The following BBC3 variants were observed in gnomAD, a reference collection of about 807,000 sequenced individuals.
The protein encoded by BBC3 is bcl-2-binding component 3.
In BBC3, 5 loss-of-function variants were observed where a neutral mutation model predicts 18.2. The observed-to-expected ratio is 0.27, with a 90% CI of 0.14 to 0.58. The LOEUF is 0.58. BBC3 is among the 20% of genes least tolerant of loss of function. The probability of loss-of-function intolerance (pLI) is 0.91; values close to 1 mark genes in which losing one functional copy is unlikely to be tolerated. For missense variants in BBC3, 224 were observed against 268.9 expected, an observed-to-expected ratio of 0.83 and a Z score of 1.17; for synonymous variants, 119 against 128.0, an observed-to-expected ratio of 0.93 and a Z score of 0.47.
At chr19:47,231,406 C>CT (rs1343567840), upstream of BBC3, among the ~76,000 whole-genome samples, 3 of 152,100 alleles carry the variant, frequency 2.0e-5, no homozygotes, top group African/African-American at 7.2e-5. This position sits in a 1 kb window ranked among gnomAD's most constrained non-coding sequence, Gnocchi z 4.0. Flanking sequence ...GGGGCAGGGC[C>CT]TAGCCCAAGG....
At position 47,230,722 on chromosome 19, in the gene BBC3, C is replaced by A; in HGVS notation, c.-16+207G>T. On this transcript the variant is annotated intron_variant, in intron 1 of 3. Transcript: ENST00000439096. This position sits in a 1 kb window ranked among gnomAD's most constrained non-coding sequence, Gnocchi z 6.7. The stretch of plus-strand genomic sequence containing the variant: ...ACAAACCCGCCAGACCGCCGAGGCA[C>A]CTGTGCGCCCAGACCGGCGCCCCAA... 1.0e-6 allele frequency: 1 copy of A among 985,152 alleles called. No homozygotes were observed. The highest frequency in any genetic ancestry group is 1.2e-6 in the Non-Finnish European group (1 of 829,780). The allele number at this position is 985,152 out of a possible 1,614,324, so 61.0% of individuals were successfully genotyped here. A position where few individuals can be genotyped will look rare whatever the true frequency, so the allele number is the denominator to read the frequency against.
intron 3 of BBC3, chr19:47,222,275 G>C (rs2123355685): frequency 5.1e-6 from 1 of 195,646 alleles, no homozygotes; most frequent in African/African-American, 2.3e-5. Flanking sequence ...GCAAGATGAG[G>C]AGAAAGGAGC....
chr19:47,226,305 G>A (rs913095626), intron 3 of BBC3, among the ~76,000 whole-genome samples: 1 of 151,748 alleles, frequency 6.6e-6, no homozygotes, highest in African/African-American at 2.4e-5. Flanking sequence ...CGGGCGCGCA[G>A]CTCCACTCCT....
rs1432933137 is a variant in BBC3 at position 47,221,432 on chromosome 19, C to CCG, written c.*369_*370insCG. On this transcript the variant is annotated 3_prime_UTR_variant, in exon 4 of 4. Transcript: ENST00000439096. ...AAGGAGCACCGAGAGGAGAGCCCCCCCCTCCCAGTGTCACCCCTGCAGCTG... is the reference window on the plus strand; with the variant it reads ...AAGGAGCACCGAGAGGAGAGCCCCCCCGCCTCCCAGTGTCACCCCTGCAGCTG... 9 of 255,416 alleles carry CCG rather than the reference C, an allele frequency of 3.5e-5. 1 individual carries two copies. In the East Asian group the frequency reaches 4.9e-4, roughly 14 times the overall value. 15.8% of individuals were successfully genotyped at this position (255,416 alleles called of 1,614,324 possible).
At position 47,226,672 on chromosome 19, in the gene BBC3, G is replaced by T; in HGVS notation, c.357C>A (p.Pro119=). 1 of 1,508,298 alleles carries T rather than the reference G, an allele frequency of 6.6e-7. No individual in the cohort carries two copies. Among genetic ancestry groups the T allele is most frequent in the East Asian group, 2.6e-5 (1 of 37,918 alleles). 93.4% of individuals were successfully genotyped at this position (1,508,298 alleles called of 1,614,324 possible). ...CGCGGACTCCCGGGGCCGCCTGGGT[G>T]GGACCGCCCGCCAGAGCCCCCGGGG... ...PSAPGALAGG[P]TQAAPGVRGE... is the part of the protein sequence containing the mutation. The change falls in exon 3 of 4, where the codon CCC becomes CCA. Residue 119 remains proline (P), a synonymous_variant. Coordinates refer to ENST00000439096, the MANE Select transcript of BBC3 (RefSeq NM_014417.5).
intron 3 of BBC3, among the ~76,000 whole-genome samples, chr19:47,225,678 CT>C (rs2058806771): frequency 6.6e-6 from 1 of 152,114 alleles, no homozygotes; most frequent in East Asian, 1.9e-4. Context: ...AATGGAAGCT[CT>C]TTTGCCCATA....
At chr19:47,229,471 AACAC>A (rs149086344) in intron 1 of BBC3, among the ~76,000 whole-genome samples, 5 of 148,922 alleles carry the variant, frequency 3.4e-5, no homozygotes, top group Non-Finnish European at 1.5e-5. Flanking sequence ...AACTGTCAGC[AACAC>A]ACACACACAC....
chr19:47,222,142 C>CA, intron 3 of BBC3: 1 of 486,876 alleles, frequency 2.1e-6, no homozygotes, highest in African/African-American at 2.0e-5. Flanking sequence ...GAGAGCTGGG[C>CA]ACCAAGCGAG....
At chr19:47,232,231 A>G (rs573833924), upstream of BBC3, among the ~76,000 whole-genome samples, 1 of 152,308 alleles carries the variant, frequency 6.6e-6, no homozygotes, top group African/African-American at 2.4e-5. Context: ...CATGCCTGTA[A>G]TCCCAGCTAC....
At position 47,231,141 on chromosome 19, in the gene BBC3, G is replaced by A. The variant is rs1362891590; in HGVS notation, c.-228C>T. On this transcript the variant is annotated 5_prime_UTR_variant, in exon 1 of 4. An upstream open reading frame in the 5' UTR gains an earlier in-frame stop. Coordinates refer to ENST00000439096, the MANE Select transcript of BBC3 (RefSeq NM_014417.5). The surrounding 1 kb of genome is among the most constrained non-coding windows in gnomAD (Gnocchi z 4.0). ...CCGCGTCGTGGCCGCTGCTGGGATC[G>A]CTGGTGCCGCCGCCGCCGCCGCCAG... is the stretch of plus-strand genomic sequence containing the variant. 1.0e-6 allele frequency: 1 copy of A among 984,552 alleles called. No homozygotes were observed. Among genetic ancestry groups the A allele is most frequent in the African/African-American group, 1.8e-5 (1 of 57,116 alleles). The allele number at this position is 984,552 out of a possible 1,614,324, so 61.0% of individuals were successfully genotyped here. A position where few individuals can be genotyped will look rare whatever the true frequency, so the allele number is the denominator to read the frequency against.
At chr19:47,227,311 G>GGCCCCC (rs2058841719) in intron 2 of BBC3, 2 of 89,236 alleles carry the variant, frequency 2.2e-5, no homozygotes, top group Non-Finnish European at 4.4e-5. Flanking sequence ...ATGCCTTCCT[G>GGCCCCC]CCCCCCCCCC....
Position 47,221,825 on chromosome 19 carries a change from C to A in BBC3, c.559G>T (p.Ala187Ser). 1 of 1,613,614 alleles carries A rather than the reference C, an allele frequency of 6.2e-7. No homozygotes were observed. The highest frequency in any genetic ancestry group is 8.5e-7 in the Non-Finnish European group (1 of 1,179,812). The change falls in exon 4 of 4, where the codon GCC (alanine) becomes TCC (serine). Residue 187 changes from alanine to serine, a missense_variant. Coordinates refer to ENST00000439096, the MANE Select transcript of BBC3 (RefSeq NM_014417.5). The part of the protein sequence containing the change: ...GLLPLPRGHR[A>S]PEMEPN ...ACCTAATTGGGCTCCATCTCGGGGG[C>A]TCTGTGGCCCCTGGGTAAGGGCAGG...
chr19:47,231,134 T>C lies in BBC3; in HGVS notation c.-221A>G. ...GGCGCGTCCGCGTCGTGGCCGCTGCTGGGATCGCTGGTGCCGCCGCCGCCG... is the reference window on the plus strand; with the variant it reads ...GGCGCGTCCGCGTCGTGGCCGCTGCCGGGATCGCTGGTGCCGCCGCCGCCG... On this transcript the variant is annotated 5_prime_UTR_variant, in exon 1 of 4. Transcript: ENST00000439096. The surrounding 1 kb of genome is among the most constrained non-coding windows in gnomAD (Gnocchi z 4.0). 1 of 984,414 alleles carries C rather than the reference T, an allele frequency of 1.0e-6. No individual in the cohort carries two copies. Among genetic ancestry groups the C allele is most frequent in the Non-Finnish European group, 1.2e-6 (1 of 829,116 alleles). 61.0% of individuals were successfully genotyped at this position (984,414 alleles called of 1,614,324 possible).
At position 47,226,752 on chromosome 19, in the gene BBC3, G is replaced by T; in HGVS notation, c.277C>A (p.Pro93Thr). The T allele has an allele frequency of 7.2e-7, 1 of 1,392,634 alleles. No individual in the cohort carries two copies. 86.3% of individuals were successfully genotyped at this position (1,392,634 alleles called of 1,614,324 possible). A position where few individuals can be genotyped will look rare whatever the true frequency, so the allele number is the denominator to read the frequency against. The change falls in exon 3 of 4, where the codon CCT (proline) becomes ACT (threonine). Residue 93 changes from proline (P) to threonine (T), a missense_variant and splice_region_variant. Transcript: ENST00000439096. ...SRPRGPRPDGPQPSLSLAEQH... is the reference protein window; with the variant it reads ...SRPRGPRPDGTQPSLSLAEQH... Reference sequence around the variant, plus strand: ...TCCGCCAGCGAGAGCGAGGGCTGAGGACCTTGGAGAGGCAGAGGGGCGCGG... The same window carrying T: ...TCCGCCAGCGAGAGCGAGGGCTGAGTACCTTGGAGAGGCAGAGGGGCGCGG...
chr19:47,232,087 C>A (rs1211156130), upstream of BBC3, among the ~76,000 whole-genome samples: 1 of 152,228 alleles, frequency 6.6e-6, no homozygotes, highest in African/African-American at 2.4e-5. Context: ...CACGGTGGCT[C>A]ATGCCTGTAA....
In BBC3 at chr19:47,228,103, T is replaced by TCC. The variant is rs1239730465; in HGVS notation, c.274+53_274+54dup. 8.3e-7 allele frequency: 1 copy of TCC among 1,202,626 alleles called. No homozygotes were observed. Among genetic ancestry groups the TCC allele is most frequent in the East Asian group, 3.2e-5 (1 of 31,000 alleles). 74.5% of individuals were successfully genotyped at this position (1,202,626 alleles called of 1,614,324 possible). On this transcript the variant is annotated intron_variant, in intron 2 of 3. Coordinates refer to ENST00000439096, the MANE Select transcript of BBC3 (RefSeq NM_014417.5). The surrounding 1 kb of genome is among the most constrained non-coding windows in gnomAD (Gnocchi z 5.5). The stretch of plus-strand genomic sequence containing the variant: ...CCCACTTCTCCAGTTCCTCCGAGTC[T>TCC]CCAGCCCTCTCTCTTCCCGGCTCCT...
At chr19:47,229,293 AACAG>A (rs1224277190) in intron 1 of BBC3, among the ~76,000 whole-genome samples, 1 of 151,392 alleles carries the variant, frequency 6.6e-6, no homozygotes, top group Non-Finnish European at 1.5e-5. Flanking sequence ...ATCAACACAA[AACAG>A]ACACCCACGG....
chr19:47,231,236 G>T (rs2058910980), upstream of BBC3: 6 of 945,266 alleles, frequency 6.3e-6, no homozygotes, highest in South Asian at 1.4e-4. The surrounding 1 kb of genome is among the most constrained non-coding windows in gnomAD (Gnocchi z 4.0). Context: ...CTCCAAAGCC[G>T]CCCCGCCCCG....
At chr19:47,222,043 C>T (rs965941246) in intron 3 of BBC3, 125 bp from the exon 4 acceptor site, 2 of 852,322 alleles carry the variant, frequency 2.3e-6, no homozygotes, top group Non-Finnish European at 1.7e-6. Flanking sequence ...CCTCCCCCCG[C>T]CTGGGCTAAT....
Sources: allele counts gnomAD v4.1 joint callset (sites outside exome capture counted in the v4.1 genomes callset), GRCh38; gene constraint gnomAD v4.1.1; non-coding constraint Gnocchi (gnomAD v3.1); transcripts MANE v1.5; gene names NCBI Gene and HGNC (gene_info 2026-07-23, HGNC 2026-07-21).